Variants in FAM200B observed in about 807,000 individuals in gnomAD.
FAM200B encodes protein FAM200B.
In FAM200B, 32 loss-of-function variants were observed where a neutral mutation model predicts 33.1. That is an observed-to-expected ratio of 0.97 (90% confidence interval 0.73 to 1.30). FAM200B has a LOEUF of 1.30. Ranked by LOEUF, FAM200B falls within the 50% of genes most tolerant of loss-of-function variation. The pLI is 0.00. For missense variants in FAM200B, 741 were observed against 754.0 expected (o/e 0.98, Z 0.20); for synonymous variants, 240 against 264.8 (o/e 0.91, Z 0.91).
upstream of FAM200B, among the ~76,000 whole-genome samples, chr4:15,678,038 T>C (rs1338852135): frequency 5.3e-5 from 8 of 152,212 alleles, no homozygotes; most frequent in Admixed American, 5.2e-4. Context: ...GAATGATGTA[T>C]CATTAAATGG....
chr4:15,666,957 A>G, the FAM200B span, among the ~76,000 whole-genome samples: 1 of 152,198 alleles, frequency 6.6e-6, no homozygotes, highest in East Asian at 1.9e-4. Context: ...ATATCAAAAC[A>G]TCACATTGTA....
Position 15,687,397 on chromosome 4 carries a change from T to C in FAM200B, c.420T>C (p.Thr140=). 1 of 1,548,462 alleles carries C rather than the reference T, an allele frequency of 6.5e-7. No homozygotes were observed. The highest frequency in any genetic ancestry group is 1.2e-5 in the South Asian group (1 of 83,502). ...KLSTQFLSCS[T]AVSEKALLSS... ...CAACACAATTTCTTAGTTGTTCTAC[T>C]GCTGTTAGTGAGAAAGCCTTATTAT... Residue 140 remains threonine (T), a synonymous_variant, in exon 2 of 2, where the codon ACT becomes ACC. Coordinates refer to ENST00000422728, the MANE Select transcript of FAM200B (RefSeq NM_001145191.2).
At chr4:15,644,149 T>C in the FAM200B span, among the ~76,000 whole-genome samples, 1 of 152,234 alleles carries the variant, frequency 6.6e-6, no homozygotes, top group Non-Finnish European at 1.5e-5. Context: ...TATGTTACTA[T>C]CCTCTTGCCT....
the FAM200B span, among the ~76,000 whole-genome samples, chr4:15,665,660 A>C: frequency 6.6e-6 from 1 of 152,190 alleles, no homozygotes; most frequent in Non-Finnish European, 1.5e-5. Flanking sequence ...ATGTTTTTAA[A>C]TATGTAATAA....
At chr4:15,654,039 G>C in the FAM200B span, among the ~76,000 whole-genome samples, 2 of 152,232 alleles carry the variant, frequency 1.3e-5, no homozygotes, top group Non-Finnish European at 2.9e-5. Flanking sequence ...AGAAGATGGA[G>C]TGCTAAGATT....
At position 15,687,192 on chromosome 4, in the gene FAM200B, T is replaced by C; in HGVS notation, c.215T>C (p.Phe72Ser). The C allele has an allele frequency of 6.5e-7, 1 of 1,538,540 alleles. No individual in the cohort carries two copies. The highest frequency in any genetic ancestry group is 8.8e-7 in the Non-Finnish European group (1 of 1,141,008). ...AATGAAGATTACTTAAAATATGGCT[T>C]TATCAAATGTGAAAAACCCTTTGAA... is the stretch of plus-strand genomic sequence containing the variant. Reference protein sequence around the residue: ...RYNEDYLKYGFIKCEKPFEND... With the variant: ...RYNEDYLKYGSIKCEKPFEND... The change falls in exon 2 of 2, where the codon TTT becomes TCT. Residue 72 changes from phenylalanine (F) to serine (S), a missense_variant. Physicochemically the swap from Phe to Ser is radical, Grantham distance 155. Coordinates refer to ENST00000422728, the MANE Select transcript of FAM200B (RefSeq NM_001145191.2).
the FAM200B span, among the ~76,000 whole-genome samples, chr4:15,672,399 T>C: frequency 2.0e-5 from 3 of 152,238 alleles, no homozygotes; most frequent in Non-Finnish European, 4.4e-5. Flanking sequence ...GTGACCATCA[T>C]AGAGTACTTA....
At chr4:15,639,820 T>C in the FAM200B span, among the ~76,000 whole-genome samples, 4 of 152,220 alleles carry the variant, frequency 2.6e-5, no homozygotes, top group Non-Finnish European at 5.9e-5. Flanking sequence ...TTTTGTTTGT[T>C]TGTTTAAATA....
Position 15,687,159 on chromosome 4 carries a change from G to A in FAM200B, c.182G>A (p.Arg61Lys), listed in dbSNP as rs866540261. The change falls in exon 2 of 2, where the codon AGA (arginine) becomes AAA (lysine). Residue 61 changes from arginine (R) to lysine (K), a missense_variant. Transcript: ENST00000422728. ...PHFKKKKVSA[R>K]RYNEDYLKYG... ...TTCAAAAAGAAAAAAGTAAGTGCAA[G>A]ACGTTATAATGAAGATTACTTAAAA... 6.5e-7 allele frequency: 1 copy of A among 1,544,754 alleles called. No individual in the cohort carries two copies. Among genetic ancestry groups the A allele is most frequent in the East Asian group, 2.5e-5 (1 of 40,788 alleles).
chr4:15,645,401 C>T, the FAM200B span, among the ~76,000 whole-genome samples: 2 of 152,098 alleles, frequency 1.3e-5, no homozygotes, highest in African/African-American at 2.4e-5. Context: ...CATTACTTAA[C>T]TGTGTAACCC....
At chr4:15,667,398 T>C in the FAM200B span, among the ~76,000 whole-genome samples, 2 of 152,328 alleles carry the variant, frequency 1.3e-5, no homozygotes, top group African/African-American at 4.8e-5. Flanking sequence ...CCCTCTTATT[T>C]GACATGTAGA....
chr4:15,649,568 G>C, the FAM200B span, among the ~76,000 whole-genome samples: 1 of 106,000 alleles, frequency 9.4e-6, no homozygotes, highest in Admixed American at 1.3e-4. Flanking sequence ...GACAGGGCAA[G>C]ACTACGTCTC....
At chr4:15,646,293 T>C in the FAM200B span, among the ~76,000 whole-genome samples, 1 of 152,226 alleles carries the variant, frequency 6.6e-6, no homozygotes. Context: ...TATTTAAAAA[T>C]GTAAAAGTGA....
upstream of FAM200B, among the ~76,000 whole-genome samples, chr4:15,678,280 A>AT (rs1718068013): frequency 6.6e-6 from 1 of 152,164 alleles, no homozygotes; most frequent in African/African-American, 2.4e-5. Flanking sequence ...GGCTTCATTA[A>AT]TTTTTTACAC....
chr4:15,639,894 C>G, the FAM200B span, among the ~76,000 whole-genome samples: 1 of 152,162 alleles, frequency 6.6e-6, no homozygotes, highest in African/African-American at 2.4e-5. Flanking sequence ...TACAGCTGAA[C>G]AGGTATTCCG....
chr4:15,654,768 A>C, the FAM200B span, among the ~76,000 whole-genome samples: 5 of 151,820 alleles, frequency 3.3e-5, no homozygotes, highest in Non-Finnish European at 5.9e-5. Flanking sequence ...GGCCCGGGGG[A>C]GTGACGGGGG....
the FAM200B span, among the ~76,000 whole-genome samples, chr4:15,646,384 T>C: frequency 6.7e-6 from 1 of 149,810 alleles, no homozygotes; most frequent in African/African-American, 2.5e-5. Flanking sequence ...TTTTAAATCA[T>C]AAGAAATGCC....
chr4:15,652,879 T>C, the FAM200B span, among the ~76,000 whole-genome samples: 2 of 142,410 alleles, frequency 1.4e-5, no homozygotes, highest in African/African-American at 5.3e-5. Context: ...TATAGTTTTA[T>C]TGTAAACTGT....
the FAM200B span, among the ~76,000 whole-genome samples, chr4:15,649,852 GA>G: frequency 6.6e-6 from 1 of 152,012 alleles, no homozygotes; most frequent in Admixed American, 6.6e-5. Context: ...CTAACAAACA[GA>G]GTCTCAGGAA....
Sources: allele counts gnomAD v4.1 joint callset (sites outside exome capture counted in the v4.1 genomes callset), GRCh38; gene constraint gnomAD v4.1.1; transcripts MANE v1.5; gene names NCBI Gene and HGNC (gene_info 2026-07-23, HGNC 2026-07-21).